The following CDKAL1 variants were observed in gnomAD, a reference collection of about 807,000 sequenced individuals.
CDKAL1 encodes threonylcarbamoyladenosine tRNA methylthiotransferase.
In CDKAL1, 32 loss-of-function variants were observed where a neutral mutation model predicts 68.2. That is an observed-to-expected ratio of 0.47 (90% CI 0.35 to 0.63). The LOEUF is 0.63. Among genes scored for constraint, CDKAL1 ranks in the 30% least tolerant of loss-of-function variants. CDKAL1 has a pLI of 0.00. For synonymous variants in CDKAL1, 234 were observed against 244.3 expected (o/e 0.96, Z 0.39); for missense variants, 606 against 696.7 (o/e 0.87, Z 1.47).
chr6:20,989,718 C>T (rs1180624444), intron 10 of CDKAL1, among the ~76,000 whole-genome samples: 1 of 152,018 alleles, frequency 6.6e-6, no homozygotes, highest in Non-Finnish European at 1.5e-5. Context: ...ATAGCGTATA[C>T]CTGTTCATAT....
intron 4 of CDKAL1, among the ~76,000 whole-genome samples, chr6:20,585,078 A>T (rs1765290990): frequency 7.7e-6 from 1 of 130,170 alleles, no homozygotes. Context: ...TTTTTTTGAG[A>T]CGGAGTCTCG....
Position 21,065,039 on chromosome 6 carries a change from A to G in CDKAL1, c.1056-9A>G, listed in dbSNP as rs777086870. 6.6e-7 allele frequency: 1 copy of G among 1,516,562 alleles called. No homozygotes were observed. Among genetic ancestry groups the G allele is most frequent in the African/African-American group, 1.4e-5 (1 of 70,788 alleles). The allele number at this position is 1,516,562 out of a possible 1,614,324, so 93.9% of individuals were successfully genotyped here. A position where few individuals can be genotyped will look rare whatever the true frequency, so the allele number is the denominator to read the frequency against. On this transcript the variant is annotated splice_polypyrimidine_tract_variant and intron_variant, in intron 11 of 15. Coordinates refer to ENST00000274695, the MANE Select transcript of CDKAL1 (RefSeq NM_017774.3). ...CAAGTTTTTACATTTTTGTCTTGTT[A>G]TTTTCTAGAGTTCCTGGAATAACTA...
chr6:20,964,452 C>T (rs6941808), intron 10 of CDKAL1, among the ~76,000 whole-genome samples: 138,698 of 152,274 alleles, frequency 0.91, 63,300 homozygotes, highest in East Asian at 1. Flanking sequence ...ATGTGGTACA[C>T]AGACTATGCA....
chr6:21,064,277 A>G (rs1771296567), intron 11 of CDKAL1, among the ~76,000 whole-genome samples: 2 of 152,210 alleles, frequency 1.3e-5, no homozygotes, highest in African/African-American at 4.8e-5. Flanking sequence ...CTAATCAAGA[A>G]TTAAGAAGAC....
intron 9 of CDKAL1, among the ~76,000 whole-genome samples, chr6:20,917,331 C>A (rs1210630156): frequency 6.6e-6 from 1 of 152,032 alleles, no homozygotes; most frequent in African/African-American, 2.4e-5. Flanking sequence ...GTTTTATACA[C>A]AGTGAGACCT....
At chr6:20,870,872 A>G (rs1760176527) in intron 9 of CDKAL1, among the ~76,000 whole-genome samples, 1 of 152,348 alleles carries the variant, frequency 6.6e-6, no homozygotes, top group African/African-American at 2.4e-5. Context: ...GTAGATGGTC[A>G]GGACTGTTAT....
At chr6:20,910,547 G>A (rs12198263) in intron 9 of CDKAL1, among the ~76,000 whole-genome samples, 1 of 152,132 alleles carries the variant, frequency 6.6e-6, no homozygotes, top group Non-Finnish European at 1.5e-5. Context: ...TGTCTGGCCA[G>A]GAATTAGATT....
intron 6 of CDKAL1, among the ~76,000 whole-genome samples, chr6:20,752,971 C>T (rs1773994008): frequency 6.6e-6 from 1 of 152,038 alleles, no homozygotes; most frequent in Non-Finnish European, 1.5e-5. Context: ...AACCTTTGAC[C>T]ACTCCCAACG....
chr6:21,116,353 T>G (rs1162884665), intron 13 of CDKAL1, among the ~76,000 whole-genome samples: 1 of 152,184 alleles, frequency 6.6e-6, no homozygotes, highest in Non-Finnish European at 1.5e-5. Flanking sequence ...AGACTTTTAT[T>G]ATGATGATTA....
intron 8 of CDKAL1, among the ~76,000 whole-genome samples, chr6:20,806,899 G>A (rs6905567): frequency 0.11 from 17,085 of 152,084 alleles, 1,061 homozygotes; most frequent in African/African-American, 0.16. Flanking sequence ...CAGCTGATAC[G>A]GTAAAAATAT....
chr6:21,192,983 A>AT (rs1158176455), intron 13 of CDKAL1, among the ~76,000 whole-genome samples: 2 of 151,570 alleles, frequency 1.3e-5, no homozygotes, highest in East Asian at 3.9e-4. Context: ...CACCCTGCTA[A>AT]TTTTTTTTAT....
chr6:20,606,628 G>A (rs1766345448), intron 4 of CDKAL1, among the ~76,000 whole-genome samples: 1 of 152,174 alleles, frequency 6.6e-6, no homozygotes, highest in Non-Finnish European at 1.5e-5. Flanking sequence ...ATATGTTTCT[G>A]TGTTTGTTTT....
At chr6:20,979,273 C>T (rs1435570312) in intron 10 of CDKAL1, among the ~76,000 whole-genome samples, 1 of 152,096 alleles carries the variant, frequency 6.6e-6, no homozygotes, top group African/African-American at 2.4e-5. Context: ...CTCAATTCAA[C>T]AAAAAGTTAT....
intron 8 of CDKAL1, among the ~76,000 whole-genome samples, chr6:20,828,821 A>G (rs541648457): frequency 5.9e-5 from 9 of 152,058 alleles, no homozygotes; most frequent in South Asian, 2.1e-4. Context: ...CCTCTTCCCA[A>G]CCTAAAACTC....
At chr6:20,984,106 A>C (rs1766307775) in intron 10 of CDKAL1, among the ~76,000 whole-genome samples, 1 of 152,228 alleles carries the variant, frequency 6.6e-6, no homozygotes, top group South Asian at 2.1e-4. Flanking sequence ...TGAGACAATG[A>C]ATGTGACTCA....
chr6:21,099,859 A>G (rs1437149112), intron 12 of CDKAL1, among the ~76,000 whole-genome samples: 1 of 152,236 alleles, frequency 6.6e-6, no homozygotes, highest in African/African-American at 2.4e-5. Context: ...TTTTGGCAAC[A>G]CTTATTACTG....
intron 9 of CDKAL1, among the ~76,000 whole-genome samples, chr6:20,887,433 A>G (rs1761124135): frequency 6.6e-6 from 1 of 152,108 alleles, no homozygotes. Flanking sequence ...TTATCTGTAG[A>G]AGAATGGACA....
At chr6:21,016,608 CCATT>C (rs1227963759) in intron 11 of CDKAL1, among the ~76,000 whole-genome samples, 2 of 143,880 alleles carry the variant, frequency 1.4e-5, no homozygotes, top group South Asian at 2.2e-4. Flanking sequence ...CCCACGCCTT[CCATT>C]CATCCATCCA....
At chr6:20,877,682 A>G (rs557086347) in intron 9 of CDKAL1, among the ~76,000 whole-genome samples, 96 of 152,204 alleles carry the variant, frequency 6.3e-4, no homozygotes, top group Non-Finnish European at 1.1e-3. Context: ...TCATGCACAC[A>G]TGACTCATGA....
Sources: allele counts gnomAD v4.1 joint callset (sites outside exome capture counted in the v4.1 genomes callset), GRCh38; gene constraint gnomAD v4.1.1; transcripts MANE v1.5; gene names NCBI Gene and HGNC (gene_info 2026-07-23, HGNC 2026-07-21).